The following ZSWIM6 variants were observed in gnomAD, a reference collection of about 807,000 sequenced individuals.
ZSWIM6 encodes the protein zinc finger SWIM-type containing 6, also known as zinc finger SWIM domain-containing protein 6.
A neutral mutation model predicts 113.2 loss-of-function variants in ZSWIM6; 9 were observed. That is an observed-to-expected ratio of 0.08 (90% confidence interval 0.05 to 0.14). ZSWIM6 has a LOEUF of 0.14. Among genes scored for constraint, ZSWIM6 ranks in the 10% least tolerant of loss-of-function variants. ZSWIM6 has a pLI of 1.00. For synonymous variants in ZSWIM6, 611 were observed against 606.5 expected (o/e 1.01, Z -0.11); for missense variants, 1,162 against 1,552.2 (o/e 0.75, Z 4.22).
chr5:61,364,607 A>T (rs1419659522), intron 1 of ZSWIM6, among the ~76,000 whole-genome samples: 6 of 152,208 alleles, frequency 3.9e-5, no homozygotes, highest in Admixed American at 3.9e-4. Context: ...TGGCTTATAA[A>T]CAACAGAAAT....
At chr5:61,356,607 A>G (rs990300742) in intron 1 of ZSWIM6, among the ~76,000 whole-genome samples, 14 of 148,260 alleles carry the variant, frequency 9.4e-5, no homozygotes, top group South Asian at 2.1e-4. Context: ...GAAAACCCTC[A>G]TTCCTTAAAA....
At chr5:61,371,057 G>A (rs1461488301) in intron 1 of ZSWIM6, among the ~76,000 whole-genome samples, 2 of 152,318 alleles carry the variant, frequency 1.3e-5, no homozygotes, top group Admixed American at 1.3e-4. Flanking sequence ...TCTGCACCTG[G>A]GCTCTGCCCC....
chr5:61,342,764 C>T (rs1744574206), intron 1 of ZSWIM6, among the ~76,000 whole-genome samples: 1 of 152,048 alleles, frequency 6.6e-6, no homozygotes, highest in Non-Finnish European at 1.5e-5. Flanking sequence ...TTTTGGTTGT[C>T]TTAAAATGGA....
intron 5 of ZSWIM6, among the ~76,000 whole-genome samples, chr5:61,521,881 G>C (rs1749135601): frequency 6.6e-6 from 1 of 152,140 alleles, no homozygotes; most frequent in South Asian, 2.1e-4. Flanking sequence ...TTAATTCTTA[G>C]TTTTAAAATG....
intron 1 of ZSWIM6, among the ~76,000 whole-genome samples, chr5:61,338,381 T>C (rs1744450753): frequency 6.6e-6 from 1 of 152,202 alleles, no homozygotes; most frequent in Non-Finnish European, 1.5e-5. Context: ...AAGGTTAATA[T>C]AGAATAATTT....
intron 7 of ZSWIM6, among the ~76,000 whole-genome samples, chr5:61,529,213 A>G (rs1412613694): frequency 1.3e-5 from 2 of 152,216 alleles, no homozygotes; most frequent in African/African-American, 4.8e-5. Context: ...ATCTCAAAAA[A>G]ATGAAAAGAA....
chr5:61,489,534 T>C (rs1274186554), intron 2 of ZSWIM6, among the ~76,000 whole-genome samples: 1 of 152,064 alleles, frequency 6.6e-6, no homozygotes, highest in South Asian at 2.1e-4. Context: ...CCTTTGCTTA[T>C]AGTAAGGACA....
At chr5:61,414,266 C>G (rs1416173244) in intron 1 of ZSWIM6, among the ~76,000 whole-genome samples, 1 of 151,738 alleles carries the variant, frequency 6.6e-6, no homozygotes, top group African/African-American at 2.4e-5. Context: ...ACATATCAGC[C>G]CAATTTAGTG....
chr5:61,332,985 C>G lies in ZSWIM6; in HGVS notation c.676+37C>G, dbSNP rs1390323338. ...GGCAGCCGCGAGCCGTCTGTCCGTC[C>G]GTCAGTCCCTGGGTGGGGGGGGGGT... On this transcript the variant is annotated intron_variant, in intron 1 of 13. Coordinates refer to ENST00000252744, the MANE Select transcript of ZSWIM6 (RefSeq NM_020928.2). The G allele has an allele frequency of 1.9e-5, 21 of 1,112,336 alleles. No homozygotes were observed. The East Asian group carries it at 7.4e-4, about 39-fold the overall frequency. The allele number at this position is 1,112,336 out of a possible 1,614,324, so 68.9% of individuals were successfully genotyped here.
intron 1 of ZSWIM6, chr5:61,375,932 A>G (rs1274747110): frequency 9.0e-6 from 6 of 666,334 alleles, no homozygotes; most frequent in African/African-American, 6.2e-5. Flanking sequence ...ACTACAACAT[A>G]TTTACTAAAA....
intron 1 of ZSWIM6, among the ~76,000 whole-genome samples, chr5:61,378,107 A>G (rs926540172): frequency 3.3e-5 from 5 of 152,224 alleles, no homozygotes. Flanking sequence ...AATCCATCAG[A>G]TTTATAAATG....
At chr5:61,426,481 T>C (rs1184851967) in intron 1 of ZSWIM6, among the ~76,000 whole-genome samples, 14 of 152,378 alleles carry the variant, frequency 9.2e-5, no homozygotes, top group Non-Finnish European at 1.5e-5. Context: ...TTTGGAATAT[T>C]TTCTTACAAA....
chr5:61,377,931 T>C (rs2112076522), intron 1 of ZSWIM6, among the ~76,000 whole-genome samples: 1 of 152,342 alleles, frequency 6.6e-6, no homozygotes, highest in South Asian at 2.1e-4. Context: ...ACTTGATTTA[T>C]AAGAGAAATG....
chr5:61,444,837 T>G (rs1746916455), intron 1 of ZSWIM6, among the ~76,000 whole-genome samples: 1 of 152,224 alleles, frequency 6.6e-6, no homozygotes, highest in African/African-American at 2.4e-5. Flanking sequence ...GTGTGTCTCA[T>G]GAGAGCAGTA....
intron 1 of ZSWIM6, among the ~76,000 whole-genome samples, chr5:61,353,406 G>T (rs979857659): frequency 2.6e-5 from 4 of 152,150 alleles, no homozygotes; most frequent in African/African-American, 9.7e-5. Context: ...GAGCATCTGG[G>T]AAGTCTGTGC....
intron 1 of ZSWIM6, among the ~76,000 whole-genome samples, chr5:61,366,746 A>G (rs896754897): frequency 6.6e-6 from 1 of 152,146 alleles, no homozygotes; most frequent in Non-Finnish European, 1.5e-5. Flanking sequence ...CTTGAGCAAC[A>G]TGGTGAAACC....
At chr5:61,336,834 T>C (rs2112020794) in intron 1 of ZSWIM6, among the ~76,000 whole-genome samples, 1 of 152,218 alleles carries the variant, frequency 6.6e-6, no homozygotes. Flanking sequence ...TTGGGCCAAA[T>C]ATTTACAGCA....
intron 1 of ZSWIM6, among the ~76,000 whole-genome samples, chr5:61,392,574 A>G (rs1420558273): frequency 6.6e-6 from 1 of 152,182 alleles, no homozygotes; most frequent in Non-Finnish European, 1.5e-5. Context: ...ATATAATGTG[A>G]GTAAAGTTAT....
At chr5:61,435,362 C>G (rs1746683813) in intron 1 of ZSWIM6, among the ~76,000 whole-genome samples, 1 of 152,156 alleles carries the variant, frequency 6.6e-6, no homozygotes, top group African/African-American at 2.4e-5. Context: ...TAAACACAGA[C>G]AAGTAACCAG....
Sources: allele counts gnomAD v4.1 joint callset (sites outside exome capture counted in the v4.1 genomes callset), GRCh38; gene constraint gnomAD v4.1.1; transcripts MANE v1.5; gene names NCBI Gene and HGNC (gene_info 2026-07-23, HGNC 2026-07-21).